Variants in STAU2 observed in about 807,000 individuals in gnomAD.
STAU2 encodes double-stranded RNA-binding protein Staufen homolog 2.
Under a neutral mutation model 65.9 loss-of-function variants are expected in STAU2, and 20 were observed. That is an observed-to-expected ratio of 0.30 (90% CI 0.21 to 0.44). The LOEUF is 0.44. Ranked by LOEUF, STAU2 falls within the 20% of genes least tolerant of loss-of-function variation. The pLI, the probability that STAU2 is intolerant of heterozygous loss-of-function variation, is 1.00. For missense variants in STAU2, 558 were observed against 683.9 expected (o/e 0.82, Z 2.05); for synonymous variants, 232 against 233.9 (o/e 0.99, Z 0.07).
chr8:73,498,432 C>A (rs1048758297), intron 13 of STAU2, among the ~76,000 whole-genome samples: 2 of 151,772 alleles, frequency 1.3e-5, no homozygotes, highest in African/African-American at 4.8e-5. Flanking sequence ...TAAATAAATA[C>A]ACTATACATT....
intron 4 of STAU2, among the ~76,000 whole-genome samples, chr8:73,697,816 A>G (rs1050122308): frequency 6.6e-6 from 1 of 152,206 alleles, no homozygotes; most frequent in Non-Finnish European, 1.5e-5. Context: ...GCAGTGGCTC[A>G]CACTTGTAAT....
chr8:73,431,356 G>A (rs1206323482), intron 13 of STAU2, among the ~76,000 whole-genome samples: 1 of 151,972 alleles, frequency 6.6e-6, no homozygotes. Context: ...TATGTTCCAG[G>A]ATTTTAAAAA....
At chr8:73,588,713 A>G (rs970744048) in intron 11 of STAU2, among the ~76,000 whole-genome samples, 6 of 151,374 alleles carry the variant, frequency 4.0e-5, no homozygotes, top group Non-Finnish European at 8.8e-5. Context: ...GCTCCTGGGG[A>G]AAAAAAAAGA....
At chr8:73,714,155 A>G (rs1157401189) in intron 3 of STAU2, among the ~76,000 whole-genome samples, 1 of 152,072 alleles carries the variant, frequency 6.6e-6, no homozygotes, top group Non-Finnish European at 1.5e-5. Flanking sequence ...CGCCCACCTC[A>G]GCCTCCCGAA....
chr8:73,705,808 G>T (rs1037730549), intron 4 of STAU2, among the ~76,000 whole-genome samples: 2 of 152,124 alleles, frequency 1.3e-5, no homozygotes, highest in Non-Finnish European at 2.9e-5. Flanking sequence ...TCATGTAAAC[G>T]TAAGATAGGT....
At chr8:73,633,693 C>T (rs533856834) in intron 6 of STAU2, among the ~76,000 whole-genome samples, 3 of 152,024 alleles carry the variant, frequency 2.0e-5, no homozygotes, top group African/African-American at 4.8e-5. Flanking sequence ...AGAAAAAGAC[C>T]ACTGAGGCCA....
chr8:73,632,671 T>G (rs1814189153), intron 6 of STAU2, among the ~76,000 whole-genome samples: 1 of 152,130 alleles, frequency 6.6e-6, no homozygotes, highest in South Asian at 2.1e-4. Flanking sequence ...CATGGTGATC[T>G]CTCAGGAAGC....
intron 12 of STAU2, among the ~76,000 whole-genome samples, chr8:73,554,430 G>C (rs1332028807): frequency 1.3e-5 from 2 of 152,218 alleles, no homozygotes; most frequent in Non-Finnish European, 2.9e-5. Context: ...AGTCCTCTGG[G>C]TAGCCCCAGA....
chr8:73,550,466 C>T (rs1184267304), intron 13 of STAU2: 18 of 985,722 alleles, frequency 1.8e-5, no homozygotes, highest in Non-Finnish European at 3.6e-6. Flanking sequence ...AGCTTGAATG[C>T]AATTTGTGCT....
chr8:73,708,750 T>C (rs1364646308), intron 4 of STAU2, among the ~76,000 whole-genome samples: 1 of 152,180 alleles, frequency 6.6e-6, no homozygotes, highest in Non-Finnish European at 1.5e-5. Flanking sequence ...CACTTAACTT[T>C]CCTGTGCCTG....
intron 13 of STAU2, among the ~76,000 whole-genome samples, chr8:73,474,394 A>G (rs1478473940): frequency 6.6e-6 from 1 of 152,194 alleles, no homozygotes; most frequent in Non-Finnish European, 1.5e-5. Flanking sequence ...CTGTTGACTT[A>G]TTGTGATATG....
chr8:73,738,158 A>C, intron 3 of STAU2, 126 bp downstream of exon 3: 3 of 819,658 alleles, frequency 3.7e-6, no homozygotes, highest in Non-Finnish European at 6.2e-6. Flanking sequence ...ACTATACAGT[A>C]GGTAACTGCT....
chr8:73,597,773 T>C (rs1811313199), intron 10 of STAU2, among the ~76,000 whole-genome samples: 1 of 151,230 alleles, frequency 6.6e-6, no homozygotes, highest in Non-Finnish European at 1.5e-5. Context: ...CAATACAGAT[T>C]ACCAAATTGC....
At chr8:73,735,549 T>C (rs1443050716) in intron 3 of STAU2, among the ~76,000 whole-genome samples, 1 of 152,208 alleles carries the variant, frequency 6.6e-6, no homozygotes, top group South Asian at 2.1e-4. Flanking sequence ...TTGGAGCATT[T>C]TGGATTTTCG....
At chr8:73,681,636 G>A (rs887683742) in intron 5 of STAU2, among the ~76,000 whole-genome samples, 6 of 151,992 alleles carry the variant, frequency 3.9e-5, no homozygotes, top group African/African-American at 1.4e-4. Flanking sequence ...TAATACTAAT[G>A]TTGAATGTAA....
intron 1 of STAU2, among the ~76,000 whole-genome samples, chr8:73,741,197 C>A (rs867905926): frequency 6.8e-6 from 1 of 146,242 alleles, no homozygotes; most frequent in Non-Finnish European, 1.5e-5. Flanking sequence ...CCCAGCTACT[C>A]GGGAGGCTGA....
At chr8:73,740,981 G>A (rs1320070784) in intron 1 of STAU2, among the ~76,000 whole-genome samples, 1 of 149,190 alleles carries the variant, frequency 6.7e-6, no homozygotes, top group Non-Finnish European at 1.5e-5. Flanking sequence ...CTCCAGTCCA[G>A]GTGACAGAGC....
intron 9 of STAU2, among the ~76,000 whole-genome samples, chr8:73,605,027 CAGAT>C (rs1168736918): frequency 6.6e-6 from 1 of 151,868 alleles, no homozygotes. Context: ...AATAAAAGAA[CAGAT>C]AAATTACAGC....
chr8:73,432,032 AT>A (rs1466389305), intron 13 of STAU2, among the ~76,000 whole-genome samples: 1 of 152,052 alleles, frequency 6.6e-6, no homozygotes, highest in Non-Finnish European at 1.5e-5. Flanking sequence ...GGATCTTTTT[AT>A]TTTGTCTTTT....
Sources: allele counts gnomAD v4.1 joint callset (sites outside exome capture counted in the v4.1 genomes callset), GRCh38; gene constraint gnomAD v4.1.1; transcripts MANE v1.5; gene names NCBI Gene and HGNC (gene_info 2026-07-23, HGNC 2026-07-21).